The following SAMD12 variants were observed in gnomAD, a reference collection of about 807,000 sequenced individuals.
SAMD12 encodes the protein sterile alpha motif domain-containing protein 12.
Under a neutral mutation model 15.0 loss-of-function variants are expected in SAMD12, and 9 were observed. That is an observed-to-expected ratio of 0.60 (90% CI 0.36 to 1.05). The LOEUF is 1.05. Among genes scored for constraint, SAMD12 ranks in the 50% least tolerant of loss-of-function variants. SAMD12 has a pLI of 0.01. For synonymous variants in SAMD12, 86 were observed against 90.1 expected (o/e 0.96, Z 0.25); for missense variants, 230 against 234.2 (o/e 0.98, Z 0.12).
chr8:118,186,973 G>C (rs1819253213), downstream of SAMD12, among the ~76,000 whole-genome samples: 1 of 152,166 alleles, frequency 6.6e-6, no homozygotes, highest in African/African-American at 2.4e-5. Flanking sequence ...TATCATGAAG[G>C]ACAAAGTAAA....
intron 2 of SAMD12, among the ~76,000 whole-genome samples, chr8:118,574,882 C>T (rs1005250239): frequency 3.0e-4 from 45 of 152,136 alleles, no homozygotes; most frequent in African/African-American, 1.0e-3. Flanking sequence ...CTCCTTGAGC[C>T]AACAAATACA....
rs575148216 is a variant in SAMD12 at position 118,256,601 on chromosome 8, A to T, written c.434-58869T>A. ...TCAGTTCAAAGTGCGTAAAGTACTA[A>T]TGGGGAAGAAGTTCCCATTTTACCA... On this transcript the variant is annotated intron_variant, in intron 4 of 4. Coordinates refer to the SAMD12 transcript ENST00000409003. Among the ~76,000 whole-genome samples, 939 of 152,176 alleles carry T rather than the reference A, an allele frequency of 6.2e-3. 13 individuals carry two copies. Among genetic ancestry groups the T allele is most frequent in the African/African-American group, 0.022 (904 of 41,528 alleles).
intron 2 of SAMD12, among the ~76,000 whole-genome samples, chr8:118,470,452 C>T (rs1252763641): frequency 1.3e-5 from 2 of 152,170 alleles, no homozygotes; most frequent in Non-Finnish European, 2.9e-5. Context: ...AGCAGACCTG[C>T]AGTTGAAAGA....
Position 118,218,503 on chromosome 8 carries a change from C to T in SAMD12, c.434-20771G>A, listed in dbSNP as rs1017452740. The stretch of plus-strand genomic sequence containing the variant: ...AACTTATTCCTCCTAACTTTATATC[C>T]TTTGACCAACATCTCCCCACCCCCA... On this transcript the variant is annotated intron_variant, in intron 4 of 4. Coordinates refer to the SAMD12 transcript ENST00000409003. Among the ~76,000 whole-genome samples the T allele has an allele frequency of 3.0e-4, 46 of 152,156 alleles. 1 individual carries two copies. The highest frequency in any genetic ancestry group is 1.1e-3 in the African/African-American group (45 of 41,514).
At chr8:118,583,608 A>T (rs1444593841) in intron 1 of SAMD12, among the ~76,000 whole-genome samples, 2 of 151,726 alleles carry the variant, frequency 1.3e-5, no homozygotes, top group East Asian at 3.9e-4. Context: ...TTTGACTCTT[A>T]TACTTCCTTC....
the SAMD12 span, among the ~76,000 whole-genome samples, chr8:118,137,271 T>C: frequency 6.6e-6 from 1 of 152,208 alleles, no homozygotes; most frequent in Non-Finnish European, 1.5e-5. Context: ...GTTATGCTTC[T>C]ATGCAAAGGA....
intron 2 of SAMD12, among the ~76,000 whole-genome samples, chr8:118,521,655 G>A (rs1257882445): frequency 2.4e-5 from 3 of 123,442 alleles, no homozygotes; most frequent in Non-Finnish European, 5.3e-5. Context: ...ACACATTCGG[G>A]CTTCTTCCAA....
chr8:118,465,037 G>T (rs531872131), intron 2 of SAMD12, among the ~76,000 whole-genome samples: 2 of 152,322 alleles, frequency 1.3e-5, no homozygotes, highest in African/African-American at 4.8e-5. Context: ...CATGCCTGCA[G>T]GGTAAGTGAT....
At chr8:118,381,120 T>G (rs1819648345) in intron 3 of SAMD12, among the ~76,000 whole-genome samples, 1 of 152,230 alleles carries the variant, frequency 6.6e-6, no homozygotes, top group Non-Finnish European at 1.5e-5. Flanking sequence ...TCCCAACATG[T>G]GCCCAGAAGT....
intron 3 of SAMD12, among the ~76,000 whole-genome samples, chr8:118,391,324 A>G (rs1389478847): frequency 1.3e-5 from 2 of 152,174 alleles, no homozygotes; most frequent in African/African-American, 4.8e-5. Context: ...TCTGTTTTTG[A>G]TAGGTAGACA....
intron 3 of SAMD12, among the ~76,000 whole-genome samples, chr8:118,394,317 T>C (rs1820440385): frequency 6.6e-6 from 1 of 152,166 alleles, no homozygotes; most frequent in Non-Finnish European, 1.5e-5. Context: ...GCTTCAAGGG[T>C]TGGTTCAGGT....
intron 2 of SAMD12, among the ~76,000 whole-genome samples, chr8:118,566,923 G>A (rs990481789): frequency 6.6e-6 from 1 of 152,156 alleles, no homozygotes; most frequent in African/African-American, 2.4e-5. Context: ...CTTGGTGGTG[G>A]ATTCAATGTG....
intron 2 of SAMD12, among the ~76,000 whole-genome samples, chr8:118,577,929 G>A (rs1358243571): frequency 2.6e-5 from 4 of 152,084 alleles, no homozygotes; most frequent in Non-Finnish European, 4.4e-5. Flanking sequence ...TCTGAAAAGG[G>A]CTTTAAAATA....
intron 4 of SAMD12, among the ~76,000 whole-genome samples, chr8:118,360,076 G>C (rs980726737): frequency 1.3e-5 from 2 of 152,160 alleles, no homozygotes; most frequent in Admixed American, 1.3e-4. Context: ...ATCACTTTTT[G>C]CTCCACCTGG....
At chr8:118,587,109 C>T (rs2131271290) in intron 1 of SAMD12, among the ~76,000 whole-genome samples, 1 of 152,294 alleles carries the variant, frequency 6.6e-6, no homozygotes, top group East Asian at 1.9e-4. Context: ...CTAAATGAAT[C>T]AGTGACCTTA....
the SAMD12 span, among the ~76,000 whole-genome samples, chr8:118,169,702 G>A: frequency 6.6e-6 from 1 of 152,128 alleles, no homozygotes; most frequent in African/African-American, 2.4e-5. Context: ...GAGGCAATGT[G>A]TACAGTTTCT....
intron 2 of SAMD12, among the ~76,000 whole-genome samples, chr8:118,580,338 G>A (rs1279854023): frequency 6.6e-6 from 1 of 152,136 alleles, no homozygotes; most frequent in East Asian, 1.9e-4. Flanking sequence ...TCAACCTGAT[G>A]AGAGAAGTCA....
intron 3 of SAMD12, among the ~76,000 whole-genome samples, chr8:118,399,947 G>C (rs1257030567): frequency 2.0e-5 from 3 of 152,168 alleles, no homozygotes; most frequent in African/African-American, 7.2e-5. Context: ...GAAAGACTTT[G>C]AATAGTGGCC....
intron 1 of SAMD12, among the ~76,000 whole-genome samples, chr8:118,595,730 G>A (rs1451130453): frequency 6.6e-6 from 1 of 152,070 alleles, no homozygotes; most frequent in Non-Finnish European, 1.5e-5. Flanking sequence ...CAATTAACAT[G>A]CTCGAATCTT....
Sources: gnomAD v4.1 joint callset for allele counts (sites outside exome capture counted in the v4.1 genomes callset) on GRCh38, gnomAD v4.1.1 for gene constraint, MANE v1.5 for transcripts, NCBI Gene and HGNC (gene_info 2026-07-23, HGNC 2026-07-21) for gene names.